The following PDS5A variants were observed in gnomAD, a reference collection of about 807,000 sequenced individuals.
PDS5A encodes the protein sister chromatid cohesion protein PDS5 homolog A.
A neutral mutation model predicts 167.1 loss-of-function variants in PDS5A; 42 were observed. The observed-to-expected ratio is 0.25, with a 90% CI of 0.20 to 0.33. The LOEUF (loss-of-function observed/expected upper bound fraction) is 0.33. PDS5A is among the 10% of genes least tolerant of loss of function. The pLI is 1.00. For synonymous variants in PDS5A, 553 were observed against 554.6 expected (o/e 1.00, Z 0.04); for missense variants, 1,033 against 1,605.9 (o/e 0.64, Z 6.10).
intron 32 of PDS5A, among the ~76,000 whole-genome samples, chr4:39,832,956 GACCAGTCTGGCCA>G (rs899955979): frequency 6.6e-6 from 1 of 151,500 alleles, no homozygotes; most frequent in African/African-American, 2.4e-5. Flanking sequence ...AGGAGTTCAA[GACCAGTCTGGCCA>G]ACATAGTGAA....
intron 17 of PDS5A, among the ~76,000 whole-genome samples, chr4:39,889,186 T>C (rs1484118947): frequency 6.6e-6 from 1 of 152,094 alleles, no homozygotes; most frequent in Non-Finnish European, 1.5e-5. Context: ...TGCAAGAGAT[T>C]AGGACATAGA....
intron 31 of PDS5A, among the ~76,000 whole-genome samples, chr4:39,840,431 T>TC: frequency 6.6e-6 from 1 of 152,316 alleles, no homozygotes; most frequent in South Asian, 2.1e-4. Context: ...GGTCAGGTGT[T>TC]CAAGACCAGC....
chr4:39,838,020 A>G lies in PDS5A; in HGVS notation c.3846T>C (p.Ala1282=). 1 of 1,613,964 alleles carries G rather than the reference A, an allele frequency of 6.2e-7. No homozygotes were observed. The highest frequency in any genetic ancestry group is 1.1e-5 in the South Asian group (1 of 91,076). Residue 1282 remains alanine, a synonymous_variant, in exon 32 of 33, where the codon GCT becomes GCC. Coordinates refer to ENST00000303538, the MANE Select transcript of PDS5A (RefSeq NM_001100399.2). ...RRPKSESQGN[A]TKNDDLNKPI... ...GTTTATTTAGATCATCATTTTTGGT[A>G]GCATTGCCCTGAGATTCAGACTTGG...
At chr4:39,845,966 G>A in intron 28 of PDS5A, 86 bp from the exon 29 acceptor site, 1 of 1,084,696 alleles carries the variant, frequency 9.2e-7, no homozygotes, top group Non-Finnish European at 1.2e-6. Context: ...GGCTTTTTAG[G>A]TATTGTGCCT....
chr4:39,944,754 C>CT (rs1727592087), intron 2 of PDS5A, among the ~76,000 whole-genome samples: 1 of 149,968 alleles, frequency 6.7e-6, no homozygotes, highest in Admixed American at 6.6e-5. Context: ...GGTTCAAAGG[C>CT]TTTGAGACTT....
chr4:39,865,154 T>A (rs1719323318), intron 23 of PDS5A, among the ~76,000 whole-genome samples: 1 of 152,074 alleles, frequency 6.6e-6, no homozygotes, highest in South Asian at 2.1e-4. Flanking sequence ...TGATTTGTAA[T>A]GAAAAGAGGT....
rs960922269 is a variant in PDS5A at position 39,914,450 on chromosome 4, G to A, written c.877-724C>T. 4.0e-5 allele frequency among the ~76,000 whole-genome samples: 6 copies of A among 151,186 alleles called. No individual in the cohort carries two copies. The South Asian group carries it at 8.3e-4, about 21-fold the overall frequency. On this transcript the variant is annotated intron_variant, in intron 8 of 32. Coordinates refer to ENST00000303538, the MANE Select transcript of PDS5A (RefSeq NM_001100399.2). Reference sequence around the variant, plus strand: ...GCTGGGATTATGGGCATGAACCACCGCACCTGGCTGATACACAAAGTTTTA... The same window carrying A: ...GCTGGGATTATGGGCATGAACCACCACACCTGGCTGATACACAAAGTTTTA...
chr4:39,902,095 C>T (rs1283806497), intron 13 of PDS5A, among the ~76,000 whole-genome samples: 1 of 152,178 alleles, frequency 6.6e-6, no homozygotes, highest in African/African-American at 2.4e-5. Context: ...ACACTAGCCA[C>T]AGGTATTTTG....
At chr4:39,851,960 A>G (rs1358856132) in intron 26 of PDS5A, among the ~76,000 whole-genome samples, 3 of 152,194 alleles carry the variant, frequency 2.0e-5, no homozygotes, top group African/African-American at 7.2e-5. Context: ...GGGTTTCTTT[A>G]AAAAGTTGTA....
chr4:39,827,389 C>T (rs1715421850), intron 32 of PDS5A, among the ~76,000 whole-genome samples: 1 of 152,146 alleles, frequency 6.6e-6, no homozygotes, highest in Admixed American at 6.6e-5. Flanking sequence ...CTCTCACAGA[C>T]TTCTGAAAGA....
At chr4:39,830,641 T>C (rs1221797349) in intron 32 of PDS5A, among the ~76,000 whole-genome samples, 1 of 152,138 alleles carries the variant, frequency 6.6e-6, no homozygotes, top group African/African-American at 2.4e-5. Context: ...GCCAGGCTGG[T>C]CTCAAACTCC....
chr4:39,904,199 G>A lies in PDS5A; in HGVS notation c.1234-8C>T, dbSNP rs568235240. On this transcript the variant is annotated splice_region_variant and splice_polypyrimidine_tract_variant and intron_variant, in intron 11 of 32. Coordinates refer to ENST00000303538, the MANE Select transcript of PDS5A (RefSeq NM_001100399.2). ...TTCTTTTCTTACTCGCCACTAAAAAGCATAAAATTTATTAGATGAGCAAGA... is the reference window on the plus strand; with the variant it reads ...TTCTTTTCTTACTCGCCACTAAAAAACATAAAATTTATTAGATGAGCAAGA... 2.1e-5 allele frequency: 33 copies of A among 1,592,132 alleles called. No homozygotes were observed. The South Asian group carries it at 3.4e-4, about 17-fold the overall frequency.
At chr4:39,913,194 C>T (rs1374388029) in intron 9 of PDS5A, among the ~76,000 whole-genome samples, 1 of 151,978 alleles carries the variant, frequency 6.6e-6, no homozygotes, top group Admixed American at 6.6e-5. Flanking sequence ...CAAGGATTCT[C>T]CCGCCTCAGC....
chr4:39,939,298 C>T (rs1726995820), intron 2 of PDS5A, among the ~76,000 whole-genome samples: 1 of 151,880 alleles, frequency 6.6e-6, no homozygotes. Context: ...CTCATCTCTA[C>T]CAATAATAAT....
At chr4:39,958,902 C>T (rs537165541) in intron 2 of PDS5A, among the ~76,000 whole-genome samples, 85 of 152,270 alleles carry the variant, frequency 5.6e-4, no homozygotes, top group African/African-American at 1.9e-3. Context: ...AGCCACTGCG[C>T]CCTGCTGTAC....
chr4:39,949,364 T>C (rs1359486667), intron 2 of PDS5A, among the ~76,000 whole-genome samples: 2 of 141,316 alleles, frequency 1.4e-5, no homozygotes, highest in African/African-American at 2.6e-5. Context: ...CTAACTGAAA[T>C]ATGCCAGCCA....
intron 5 of PDS5A, among the ~76,000 whole-genome samples, chr4:39,925,284 T>A (rs1390449270): frequency 1.3e-5 from 2 of 152,148 alleles, no homozygotes; most frequent in East Asian, 3.9e-4. Context: ...CCACTACACT[T>A]CCTGACTCTG....
At chr4:39,909,991 G>A (rs565891467) in intron 10 of PDS5A, 189 of 321,580 alleles carry the variant, frequency 5.9e-4, no homozygotes, top group Non-Finnish European at 8.7e-4. Flanking sequence ...TAATACTCGG[G>A]ATCTCAAAGT....
intron 2 of PDS5A, chr4:39,974,086 C>G: frequency 3.7e-6 from 2 of 534,438 alleles, no homozygotes; most frequent in South Asian, 1.5e-5. Flanking sequence ...AGATCGCACC[C>G]ACTCCAGCCT....
Sources: gnomAD v4.1 joint callset for allele counts (sites outside exome capture counted in the v4.1 genomes callset) on GRCh38, gnomAD v4.1.1 for gene constraint, MANE v1.5 for transcripts, NCBI Gene and HGNC (gene_info 2026-07-23, HGNC 2026-07-21) for gene names.